The following TENM2 variants were observed in gnomAD, a reference collection of about 807,000 sequenced individuals.
TENM2 encodes teneurin-2.
TENM2 carries 52 observed loss-of-function variants against 245.2 expected under a neutral mutation model. That is an observed-to-expected ratio of 0.21 (90% CI 0.17 to 0.27). The LOEUF (loss-of-function observed/expected upper bound fraction) is 0.27. TENM2 is among the 10% of genes least tolerant of loss of function. TENM2 has a pLI of 1.00. For synonymous variants in TENM2, 1,363 were observed against 1,438.9 expected (o/e 0.95, Z 1.19); for missense variants, 3,046 against 3,666.8 (o/e 0.83, Z 4.37).
At chr5:167,840,323 C>A (rs1342539127) in intron 2 of TENM2, among the ~76,000 whole-genome samples, 3 of 152,194 alleles carry the variant, frequency 2.0e-5, no homozygotes, top group Non-Finnish European at 4.4e-5. Flanking sequence ...GGATCCAACT[C>A]TACAGTGTGA....
In TENM2 at chr5:168,198,838, T is replaced by G; in HGVS notation, c.2901-15T>G. The G allele has an allele frequency of 6.2e-7, 1 of 1,610,990 alleles. No homozygotes were observed. The highest frequency in any genetic ancestry group is 8.5e-7 in the Non-Finnish European group (1 of 1,177,482). ...TGAGTCTACCCCCTCATCAGCTCAT[T>G]TACTCCCTCTCCAGGTTCGACCTGA... On this transcript the variant is annotated splice_polypyrimidine_tract_variant and intron_variant, in intron 15 of 28. Coordinates refer to ENST00000518659, the Ensembl canonical transcript of TENM2.
intron 2 of TENM2, among the ~76,000 whole-genome samples, chr5:167,705,871 C>G (rs1758468604): frequency 1.3e-5 from 2 of 150,796 alleles, no homozygotes; most frequent in Admixed American, 1.3e-4. Context: ...TAGCAGTTGT[C>G]CTTTATATCT....
chr5:167,580,659 A>G (rs1775024326), intron 2 of TENM2, among the ~76,000 whole-genome samples: 1 of 152,270 alleles, frequency 6.6e-6, no homozygotes, highest in Non-Finnish European at 1.5e-5. Flanking sequence ...TCTGCAGAAC[A>G]GGGAGCAGAT....
intron 2 of TENM2, among the ~76,000 whole-genome samples, chr5:167,849,199 A>T (rs538943573): frequency 4.9e-4 from 74 of 152,050 alleles, no homozygotes; most frequent in Non-Finnish European, 9.0e-4. Context: ...ACATCAGTCC[A>T]ACATCTGCTT....
chr5:168,062,127 A>G, exon 7 of TENM2: 1 of 1,613,626 alleles, frequency 6.2e-7, no homozygotes, highest in Non-Finnish European at 8.5e-7. Flanking sequence ...GGGTAACACA[A>G]GAAGTCCCAC....
At chr5:167,124,002 A>G in the TENM2 span, among the ~76,000 whole-genome samples, 1 of 152,212 alleles carries the variant, frequency 6.6e-6, no homozygotes, top group South Asian at 2.1e-4. Context: ...TTCAATCAAT[A>G]TAAATATGCA....
chr5:167,901,333 A>G (rs1418372484), intron 3 of TENM2, among the ~76,000 whole-genome samples: 2 of 152,224 alleles, frequency 1.3e-5, no homozygotes, highest in South Asian at 2.1e-4. Context: ...GATTTGTGGT[A>G]TAGAATTATA....
intron 2 of TENM2, among the ~76,000 whole-genome samples, chr5:167,581,960 C>T (rs1453785871): frequency 6.6e-6 from 1 of 151,736 alleles, no homozygotes; most frequent in Non-Finnish European, 1.5e-5. Context: ...CATTGGAGCC[C>T]ACACTAGGTA....
intron 2 of TENM2, among the ~76,000 whole-genome samples, chr5:167,597,934 A>G (rs1776336852): frequency 6.6e-6 from 1 of 152,190 alleles, no homozygotes; most frequent in Admixed American, 6.5e-5. Flanking sequence ...TATTCTGAGT[A>G]GACAGGCAAT....
At chr5:167,354,452 C>T (rs1220197914) in intron 1 of TENM2, among the ~76,000 whole-genome samples, 2 of 151,354 alleles carry the variant, frequency 1.3e-5, no homozygotes, top group Non-Finnish European at 2.9e-5. Flanking sequence ...TTTCTGTTTG[C>T]CCTTTTTCTA....
In TENM2 at chr5:167,328,663, C is replaced by T. The variant is rs762516855; in HGVS notation, c.226+43600C>T. On this transcript the variant is annotated intron_variant, in intron 1 of 28. Coordinates refer to ENST00000518659, the Ensembl canonical transcript of TENM2. ...AATCACACTACCTCATGGTATTTTC[C>T]CTAGCTGTTCCCTCTAGCTGGAATG... Among the ~76,000 whole-genome samples, 24 of 152,156 alleles carry T rather than the reference C, an allele frequency of 1.6e-4. 1 individual carries two copies. The highest frequency in any genetic ancestry group is 6.5e-4 in the Admixed American group (10 of 15,272).
chr5:168,262,522 C>A (rs1342258907), exon 29 of TENM2: 1 of 1,555,994 alleles, frequency 6.4e-7, no homozygotes, highest in South Asian at 1.2e-5. Context: ...TGCTCAGCAT[C>A]CGCTATGGCC....
chr5:167,913,530 T>A (rs1466665276), intron 3 of TENM2, among the ~76,000 whole-genome samples: 1 of 152,224 alleles, frequency 6.6e-6, no homozygotes, highest in Non-Finnish European at 1.5e-5. Context: ...AATTTCTGAA[T>A]TGAGACTAGC....
the TENM2 span, among the ~76,000 whole-genome samples, chr5:167,259,171 G>T: frequency 2.6e-5 from 4 of 152,114 alleles, no homozygotes; most frequent in African/African-American, 9.7e-5. Context: ...ATAGTAGACC[G>T]AGGTAAAAAA....
chr5:167,708,166 C>T (rs879579284), intron 2 of TENM2, among the ~76,000 whole-genome samples: 11 of 152,058 alleles, frequency 7.2e-5, no homozygotes, highest in Admixed American at 6.6e-4. Flanking sequence ...AATGTCATGA[C>T]ATCTGGACTC....
intron 1 of TENM2, among the ~76,000 whole-genome samples, chr5:167,370,115 G>A (rs188821029): frequency 0.011 from 1,724 of 152,172 alleles, 10 homozygotes; most frequent in East Asian, 0.014. Flanking sequence ...AGCTGAGGTG[G>A]GCAGATCACG....
intron 12 of TENM2, among the ~76,000 whole-genome samples, chr5:168,140,480 A>T (rs1473784097): frequency 6.6e-6 from 1 of 152,044 alleles, no homozygotes; most frequent in African/African-American, 2.4e-5. Context: ...CTCAACAACA[A>T]ATACCAGCAA....
intron 1 of TENM2, among the ~76,000 whole-genome samples, chr5:167,312,385 C>G (rs76955467): frequency 0.013 from 1,940 of 152,262 alleles, 96 homozygotes; most frequent in Admixed American, 0.098. Flanking sequence ...TTAGTCTCCA[C>G]TTGCCCCGGC....
intron 2 of TENM2, among the ~76,000 whole-genome samples, chr5:167,543,454 A>T (rs965525357): frequency 6.6e-6 from 1 of 152,166 alleles, no homozygotes; most frequent in African/African-American, 2.4e-5. Flanking sequence ...TGTTCTGGCC[A>T]CCTTGGTAAA....
Sources: gnomAD v4.1 joint callset for allele counts (sites outside exome capture counted in the v4.1 genomes callset) on GRCh38, gnomAD v4.1.1 for gene constraint, MANE v1.5 for transcripts, NCBI Gene and HGNC (gene_info 2026-07-23, HGNC 2026-07-21) for gene names.